Variants in GPR176 observed in about 807,000 individuals in gnomAD.
The protein encoded by GPR176 is G-protein coupled receptor 176.
GPR176 carries 26 observed loss-of-function variants against 35.4 expected under a neutral mutation model. The observed-to-expected ratio is 0.74, with a 90% CI of 0.54 to 1.02. The LOEUF (loss-of-function observed/expected upper bound fraction) is 1.02. Among genes scored for constraint, GPR176 ranks in the 50% least tolerant of loss-of-function variants. The pLI, the probability that GPR176 is intolerant of heterozygous loss-of-function variation, is 0.00. For synonymous variants in GPR176, 278 were observed against 271.3 expected (o/e 1.02, Z -0.24); for missense variants, 597 against 665.3 (o/e 0.90, Z 1.13).
intron 1 of GPR176, among the ~76,000 whole-genome samples, chr15:39,893,737 C>A (rs1253761723): frequency 6.8e-6 from 1 of 146,546 alleles, no homozygotes; most frequent in Non-Finnish European, 1.5e-5. Context: ...GGGGGGCTGA[C>A]CCCCCCACCT....
intron 1 of GPR176, among the ~76,000 whole-genome samples, chr15:39,849,097 G>A (rs951269456): frequency 2.6e-5 from 4 of 152,030 alleles, no homozygotes; most frequent in African/African-American, 7.2e-5. Flanking sequence ...AAGACAAAGA[G>A]AGAGAAGACA....
chr15:39,855,137 A>T (rs1037468831), intron 1 of GPR176, among the ~76,000 whole-genome samples: 42 of 151,966 alleles, frequency 2.8e-4, no homozygotes, highest in African/African-American at 9.7e-4. Context: ...TCATCAAAGA[A>T]CTCTCTTAAC....
Position 39,920,156 on chromosome 15 carries a change from TC to T in GPR176, c.-131del. On this transcript the variant is annotated 5_prime_UTR_variant, in exon 1 of 3. Coordinates refer to ENST00000561100, the MANE Select transcript of GPR176 (RefSeq NM_007223.3). ...TGGAGAAGCCGGAGCAGCCGACGGGTCCCCTCACGTCTCCACATCGCCAACC... is the reference window on the plus strand; with the variant it reads ...TGGAGAAGCCGGAGCAGCCGACGGGTCCCTCACGTCTCCACATCGCCAACC... 2 of 550,168 alleles carry T rather than the reference TC, an allele frequency of 3.6e-6. No homozygotes were observed. Among genetic ancestry groups the T allele is most frequent in the Admixed American group, 4.4e-5 (1 of 22,806 alleles). The allele number at this position is 550,168 out of a possible 1,614,324, so 34.1% of individuals were successfully genotyped here. A position where few individuals can be genotyped will look rare whatever the true frequency, so the allele number is the denominator to read the frequency against.
intron 1 of GPR176, among the ~76,000 whole-genome samples, chr15:39,889,468 AC>A (rs1388283532): frequency 2.6e-5 from 4 of 151,852 alleles, no homozygotes; most frequent in Admixed American, 1.3e-4. Flanking sequence ...AATCACTTGA[AC>A]CCAGGAGGTG....
At chr15:39,828,228 G>A (rs1023176621) in intron 1 of GPR176, among the ~76,000 whole-genome samples, 3 of 152,086 alleles carry the variant, frequency 2.0e-5, no homozygotes, top group South Asian at 2.1e-4. Flanking sequence ...TTCCAGCCCC[G>A]ACAGCAAGCT....
chr15:39,906,833 C>T (rs2033435336), intron 1 of GPR176, among the ~76,000 whole-genome samples: 1 of 152,318 alleles, frequency 6.6e-6, no homozygotes, highest in Admixed American at 6.5e-5. Flanking sequence ...GTAACTGTCC[C>T]CAAGCACTTC....
chr15:39,896,874 A>AAG (rs923290454), intron 1 of GPR176, among the ~76,000 whole-genome samples: 1 of 152,230 alleles, frequency 6.6e-6, no homozygotes, highest in East Asian at 1.9e-4. Flanking sequence ...TGTCTCTATA[A>AAG]AGAGAGAGAG....
At position 39,800,333 on chromosome 15, in the gene GPR176, C is replaced by G. The variant is rs1898775607; in HGVS notation, c.*799G>C. 6.6e-6 allele frequency: 1 copy of G among 152,160 alleles called. No homozygotes were observed. The highest frequency in any genetic ancestry group is 2.4e-5 in the African/African-American group (1 of 41,438). 9.4% of individuals were successfully genotyped at this position (152,160 alleles called of 1,614,324 possible). Reference sequence around the variant, plus strand: ...GCATCTCCCCCGTAAGCTTCTCTCTCATTTGTTGAGAAAACACAATTTAAG... The same window carrying G: ...GCATCTCCCCCGTAAGCTTCTCTCTGATTTGTTGAGAAAACACAATTTAAG... On this transcript the variant is annotated 3_prime_UTR_variant, in exon 3 of 3. Transcript: ENST00000561100.
intron 1 of GPR176, among the ~76,000 whole-genome samples, chr15:39,840,217 G>C (rs1901656416): frequency 6.6e-6 from 1 of 152,100 alleles, no homozygotes; most frequent in Non-Finnish European, 1.5e-5. Context: ...CAATGCCAAA[G>C]ACCTGGAACC....
intron 1 of GPR176, among the ~76,000 whole-genome samples, chr15:39,856,247 A>G (rs1205572958): frequency 6.6e-6 from 1 of 152,204 alleles, no homozygotes; most frequent in Non-Finnish European, 1.5e-5. Context: ...CACCTTTACC[A>G]TACGCTGCTT....
chr15:39,806,948 T>A, intron 2 of GPR176, 58 bp downstream of exon 2: 1 of 1,497,788 alleles, frequency 6.7e-7, no homozygotes, highest in Non-Finnish European at 9.0e-7. Context: ...TGCTTCATGA[T>A]GCTAATTTTT....
intron 1 of GPR176, among the ~76,000 whole-genome samples, chr15:39,816,388 T>A (rs573623824): frequency 3.7e-4 from 57 of 152,188 alleles, no homozygotes; most frequent in African/African-American, 1.3e-3. Flanking sequence ...AACACAGATA[T>A]ATACCATTTT....
At chr15:39,854,311 A>G (rs11070235) in intron 1 of GPR176, among the ~76,000 whole-genome samples, 29,179 of 152,058 alleles carry the variant, frequency 0.19, 3,219 homozygotes, top group Admixed American at 0.35. Flanking sequence ...AGATTAGGCA[A>G]TTTGTTTGAG....
intron 1 of GPR176, among the ~76,000 whole-genome samples, chr15:39,903,127 G>A (rs1219299698): frequency 6.6e-6 from 1 of 152,212 alleles, no homozygotes; most frequent in Non-Finnish European, 1.5e-5. Flanking sequence ...CTCATTTAAA[G>A]TAGTCTAGGC....
At chr15:39,844,377 A>G (rs2030253280) in intron 1 of GPR176, among the ~76,000 whole-genome samples, 2 of 152,154 alleles carry the variant, frequency 1.3e-5, no homozygotes, top group South Asian at 4.1e-4. Flanking sequence ...CTGCTGTAAA[A>G]TATGTATTTA....
chr15:39,857,386 AG>A (rs775481613), intron 1 of GPR176, among the ~76,000 whole-genome samples: 3 of 152,226 alleles, frequency 2.0e-5, no homozygotes, highest in Non-Finnish European at 2.9e-5. Context: ...AGCCTTAAAA[AG>A]GAAATACGGC....
chr15:39,918,581 C>G (rs1329165024), intron 1 of GPR176, among the ~76,000 whole-genome samples: 1 of 152,102 alleles, frequency 6.6e-6, no homozygotes, highest in African/African-American at 2.4e-5. Context: ...TACAATGCAT[C>G]ATGAATACCT....
chr15:39,881,603 A>C (rs561282380), intron 1 of GPR176, among the ~76,000 whole-genome samples: 22 of 152,342 alleles, frequency 1.4e-4, no homozygotes, highest in African/African-American at 5.1e-4. Context: ...TACTGAGTGC[A>C]ACTGGTCCCT....
chr15:39,918,956 C>T (rs1224083049), intron 1 of GPR176, among the ~76,000 whole-genome samples: 1 of 152,138 alleles, frequency 6.6e-6, no homozygotes, highest in African/African-American at 2.4e-5. Flanking sequence ...TCCTTATAAA[C>T]GCCATATCGG....
Sources: allele counts gnomAD v4.1 joint callset (sites outside exome capture counted in the v4.1 genomes callset), GRCh38; gene constraint gnomAD v4.1.1; transcripts MANE v1.5; gene names NCBI Gene and HGNC (gene_info 2026-07-23, HGNC 2026-07-21).